The following CAST variants were observed in gnomAD, a reference collection of about 807,000 sequenced individuals.
The protein encoded by CAST is calpastatin.
Under a neutral mutation model 119.6 loss-of-function variants are expected in CAST, and 76 were observed. That is an observed-to-expected ratio of 0.64 (90% CI 0.53 to 0.77). The LOEUF is 0.77. Ranked by LOEUF, CAST falls within the 30% of genes least tolerant of loss-of-function variation. CAST has a pLI of 0.00. For missense variants in CAST, 953 were observed against 946.5 expected, an observed-to-expected ratio of 1.01 and a Z score of -0.09; for synonymous variants, 319 against 331.6, an observed-to-expected ratio of 0.96 and a Z score of 0.41.
the CAST span, among the ~76,000 whole-genome samples, chr5:96,081,361 C>A: frequency 1.3e-5 from 2 of 152,142 alleles, no homozygotes; most frequent in Non-Finnish European, 2.9e-5. Flanking sequence ...GGTGGAGAGA[C>A]CTGAGGGAAC....
chr5:96,335,617 T>C, the CAST span, among the ~76,000 whole-genome samples: 1 of 152,210 alleles, frequency 6.6e-6, no homozygotes, highest in Non-Finnish European at 1.5e-5. Context: ...TGTATAGTAA[T>C]GACTGTCTAG....
chr5:96,315,601 T>C, the CAST span, among the ~76,000 whole-genome samples: 110 of 152,324 alleles, frequency 7.2e-4, no homozygotes, highest in African/African-American at 2.5e-3. Flanking sequence ...TAAAGGTCTG[T>C]AACTATGGTA....
chr5:96,176,630 A>G, the CAST span, among the ~76,000 whole-genome samples: 801 of 152,326 alleles, frequency 5.3e-3, 8 homozygotes, highest in African/African-American at 0.018. Flanking sequence ...ATTTTTGACA[A>G]TGCCACTTGA....
At chr5:96,370,890 T>C in the CAST span, among the ~76,000 whole-genome samples, 1 of 152,226 alleles carries the variant, frequency 6.6e-6, no homozygotes, top group South Asian at 2.1e-4. Flanking sequence ...GTTTATGATA[T>C]AACTCAAATT....
Position 96,767,941 on chromosome 5 carries a change from T to C in CAST, c.2210T>C (p.Leu737Pro). 1 of 1,613,728 alleles carries C rather than the reference T, an allele frequency of 6.2e-7. No individual in the cohort carries two copies. Among genetic ancestry groups the C allele is most frequent in the South Asian group, 1.1e-5 (1 of 91,074 alleles). The change falls in exon 29 of 32, where the codon CTC becomes CCC. Residue 737 changes from leucine (L) to proline (P), a missense_variant. Coordinates refer to ENST00000675179, the MANE Select transcript of CAST (RefSeq NM_001750.7). ...GATGACCAAGACCCCATTGATGCTC[T>C]CTCAGGAGATCTGGACAGCTGTCCC... is the stretch of plus-strand genomic sequence containing the variant. ...PADDQDPIDA[L>P]SGDLDSCPST...
At chr5:96,536,335 G>T (rs1040655678) in intron 1 of CAST, among the ~76,000 whole-genome samples, 1 of 152,206 alleles carries the variant, frequency 6.6e-6, no homozygotes, top group Non-Finnish European at 1.5e-5. Flanking sequence ...CTCCAGCCTG[G>T]GCGACAAGAG....
At chr5:96,309,726 G>A in the CAST span, among the ~76,000 whole-genome samples, 9 of 152,242 alleles carry the variant, frequency 5.9e-5, no homozygotes, top group South Asian at 1.0e-3. Flanking sequence ...GACCCCTTGT[G>A]CTTCTAGGGT....
chr5:96,395,274 T>A, the CAST span, among the ~76,000 whole-genome samples: 1 of 152,236 alleles, frequency 6.6e-6, no homozygotes, highest in Non-Finnish European at 1.5e-5. Context: ...TAAGTCTTCT[T>A]TTCCATATTG....
the CAST span, among the ~76,000 whole-genome samples, chr5:96,178,397 CAT>C: frequency 6.6e-6 from 1 of 152,254 alleles, no homozygotes; most frequent in South Asian, 2.1e-4. Context: ...TAGGTCTACA[CAT>C]GTTTTCTGTT....
At chr5:96,621,502 T>A (rs1418939311) in intron 1 of CAST, among the ~76,000 whole-genome samples, 1 of 152,152 alleles carries the variant, frequency 6.6e-6, no homozygotes, top group African/African-American at 2.4e-5. Context: ...AGCAGGCATG[T>A]CTCATATCGC....
chr5:96,295,396 T>C, the CAST span, among the ~76,000 whole-genome samples: 186 of 152,340 alleles, frequency 1.2e-3, no homozygotes, highest in African/African-American at 4.4e-3. Context: ...CTGAGGACTT[T>C]ATGCCCTGGG....
chr5:96,142,951 G>GA, the CAST span, among the ~76,000 whole-genome samples: 421 of 152,278 alleles, frequency 2.8e-3, 1 homozygote, highest in Non-Finnish European at 3.8e-3. Context: ...GAGGCAGTAT[G>GA]ATTCAGTAGA....
chr5:95,962,206 G>A, the CAST span: 1 of 234,166 alleles, frequency 4.3e-6, no homozygotes. Flanking sequence ...CGCCCCTGTG[G>A]GGGATAGTAG....
chr5:96,397,511 G>T, the CAST span: 2 of 1,541,188 alleles, frequency 1.3e-6, no homozygotes, highest in South Asian at 2.2e-5. Context: ...TAATAGCTCT[G>T]ATAGTAGGAT....
chr5:96,674,583 A>G (rs1750476930), intron 1 of CAST, among the ~76,000 whole-genome samples: 1 of 152,164 alleles, frequency 6.6e-6, no homozygotes, highest in African/African-American at 2.4e-5. Context: ...CATTTCTCAA[A>G]ACATTTCAGT....
At chr5:96,517,469 A>G in the CAST span, among the ~76,000 whole-genome samples, 1 of 152,206 alleles carries the variant, frequency 6.6e-6, no homozygotes, top group Non-Finnish European at 1.5e-5. Flanking sequence ...CAGAGAATGG[A>G]TTGTTGCCAT....
At chr5:96,424,997 GAGAAAGAAAGA>G in the CAST span, among the ~76,000 whole-genome samples, 10 of 100,186 alleles carry the variant, frequency 1.0e-4, no homozygotes, top group African/African-American at 4.6e-4. Context: ...AAGAAAGAAA[GAGAAAGAAAGA>G]AAAGAAAGAA....
At chr5:96,608,003 G>C (rs984356634) in intron 1 of CAST, among the ~76,000 whole-genome samples, 1 of 151,564 alleles carries the variant, frequency 6.6e-6, no homozygotes, top group African/African-American at 2.4e-5. Flanking sequence ...GAAATATATA[G>C]TATATTACTA....
the CAST span, among the ~76,000 whole-genome samples, chr5:95,983,018 C>T: frequency 6.6e-6 from 1 of 152,010 alleles, no homozygotes; most frequent in Non-Finnish European, 1.5e-5. Context: ...TAAGATGCCC[C>T]AAGATGTATT....
Sources: allele counts gnomAD v4.1 joint callset (sites outside exome capture counted in the v4.1 genomes callset), GRCh38; gene constraint gnomAD v4.1.1; transcripts MANE v1.5; gene names NCBI Gene and HGNC (gene_info 2026-07-23, HGNC 2026-07-21).